The following ZSWIM4 variants were observed in gnomAD, a reference collection of about 807,000 sequenced individuals.
ZSWIM4 encodes zinc finger SWIM domain-containing protein 4.
Under a neutral mutation model 102.5 loss-of-function variants are expected in ZSWIM4, and 62 were observed. The observed-to-expected ratio is 0.60, with a 90% CI of 0.49 to 0.75. The LOEUF (loss-of-function observed/expected upper bound fraction) is 0.75. Among genes scored for constraint, ZSWIM4 ranks in the 30% least tolerant of loss-of-function variants. ZSWIM4 has a pLI of 0.00. For missense variants in ZSWIM4, 1,280 were observed against 1,529.6 expected, an observed-to-expected ratio of 0.84 and a Z score of 2.72; for synonymous variants, 652 against 674.5, an observed-to-expected ratio of 0.97 and a Z score of 0.52.
At chr19:13,799,272 ATC>A (rs764931893) in intron 1 of ZSWIM4, among the ~76,000 whole-genome samples, 8,514 of 118,336 alleles carry the variant, frequency 0.072, 237 homozygotes, top group Middle Eastern at 0.14. Context: ...TTATTTTTTT[ATC>A]TTTTTTTTTT....
chr19:13,827,279 C>T (rs1248480846), intron 12 of ZSWIM4, among the ~76,000 whole-genome samples: 1 of 151,528 alleles, frequency 6.6e-6, no homozygotes, highest in Non-Finnish European at 1.5e-5. Context: ...AGCAAGAAGA[C>T]CCCAACTCTA....
At chr19:13,801,302 G>A (rs1192320261) in intron 2 of ZSWIM4, among the ~76,000 whole-genome samples, 2 of 152,198 alleles carry the variant, frequency 1.3e-5, no homozygotes, top group Non-Finnish European at 2.9e-5. Context: ...TGCTCCTAGA[G>A]CCCTAGACCT....
Position 13,830,396 on chromosome 19 carries a change from G to A in ZSWIM4, c.2667G>A (p.Leu889=). 6.2e-7 allele frequency: 1 copy of A among 1,612,348 alleles called. No homozygotes were observed. Residue 889 remains leucine, a synonymous_variant, in exon 14 of 14, where the codon TTG becomes TTA. Transcript: ENST00000590508. ...CAMKDPQNCA[L]PALTLCEKNH... is the part of the protein sequence containing the mutation. Reference sequence around the variant, plus strand: ...TGAAGGACCCTCAGAACTGCGCCTTGCCTGCCCTGACCCTGTGCGAGAAGA... The same window carrying A: ...TGAAGGACCCTCAGAACTGCGCCTTACCTGCCCTGACCCTGTGCGAGAAGA...
At chr19:13,802,120 C>T (rs1974787603) in intron 2 of ZSWIM4, among the ~76,000 whole-genome samples, 1 of 151,000 alleles carries the variant, frequency 6.6e-6, no homozygotes, top group African/African-American at 2.4e-5. Context: ...GGACTACAGG[C>T]ACCTGCCACC....
At chr19:13,822,198 ACAC>A in intron 10 of ZSWIM4, among the ~76,000 whole-genome samples, 1 of 149,068 alleles carries the variant, frequency 6.7e-6, no homozygotes, top group Non-Finnish European at 1.5e-5. Context: ...ACACACACAC[ACAC>A]ACACAGTTTG....
rs181233560 is a variant in ZSWIM4 at position 13,830,055 on chromosome 19, G to A, written c.2462-136G>A. 1.0e-3 allele frequency: 1,219 copies of A among 1,166,126 alleles called. 2 individuals are homozygous for A. The highest frequency in any genetic ancestry group is 1.4e-3 in the Non-Finnish European group (1,145 of 837,904). The allele number at this position is 1,166,126 out of a possible 1,614,324, so 72.2% of individuals were successfully genotyped here. On this transcript the variant is annotated intron_variant, in intron 13 of 13. Transcript: ENST00000590508. ...CCACCTAGTCCAGGTGCGCCCTGAT[G>A]ATTTGGAAAGGAAGTTTCTGTTCAG...
intron 5 of ZSWIM4, among the ~76,000 whole-genome samples, chr19:13,811,122 C>G (rs979241505): frequency 6.6e-6 from 1 of 151,664 alleles, no homozygotes; most frequent in East Asian, 1.9e-4. Flanking sequence ...ACCGTGTTAG[C>G]CAGGATGGTC....
At chr19:13,795,994 T>A (rs1193050882) in intron 1 of ZSWIM4, among the ~76,000 whole-genome samples, 193 bp downstream of exon 1, 2 of 139,712 alleles carry the variant, frequency 1.4e-5, no homozygotes, top group Admixed American at 1.5e-4. Flanking sequence ...TCAAACCCAG[T>A]AACCCACCCC....
chr19:13,826,383 C>G (rs1445271795), intron 12 of ZSWIM4, among the ~76,000 whole-genome samples: 5 of 151,950 alleles, frequency 3.3e-5, no homozygotes, highest in Non-Finnish European at 7.4e-5. Flanking sequence ...AGGATTGCCG[C>G]CTAAGGAGAG....
At chr19:13,801,629 C>T (rs1215363960) in intron 2 of ZSWIM4, among the ~76,000 whole-genome samples, 2 of 151,464 alleles carry the variant, frequency 1.3e-5, no homozygotes, top group Non-Finnish European at 2.9e-5. Flanking sequence ...AGACCTAAGG[C>T]AACAGGGCTG....
chr19:13,802,218 C>T (rs1215507721), intron 2 of ZSWIM4, among the ~76,000 whole-genome samples: 11 of 151,452 alleles, frequency 7.3e-5, no homozygotes, highest in East Asian at 6.0e-4. Context: ...CCTAGTGATC[C>T]GCCCGCCTCA....
chr19:13,810,814 G>A (rs1975061745), intron 5 of ZSWIM4, among the ~76,000 whole-genome samples: 2 of 147,556 alleles, frequency 1.4e-5, no homozygotes, highest in African/African-American at 5.0e-5. Flanking sequence ...GTTTCACTGG[G>A]TTAACCAGGA....
intron 13 of ZSWIM4, 82 bp downstream of exon 13, chr19:13,828,808 AAG>A: frequency 7.1e-7 from 1 of 1,411,812 alleles, no homozygotes; most frequent in Non-Finnish European, 1.0e-6. Flanking sequence ...GCAGACAAGA[AAG>A]AGAGAAGTGG....
chr19:13,817,581 C>T (rs1235302618), intron 8 of ZSWIM4, 141 bp from the exon 9 acceptor site: 1 of 1,190,592 alleles, frequency 8.4e-7, no homozygotes. Context: ...CCCGCGCTCC[C>T]CCAACCCCGT....
chr19:13,814,476 A>G (rs1599599680), intron 6 of ZSWIM4, 39 bp from the exon 7 acceptor site: 2 of 1,097,046 alleles, frequency 1.8e-6, no homozygotes, highest in African/African-American at 1.7e-5. Context: ...TGCTATAGGG[A>G]CCCCCCCTCA....
rs139676736 is a variant in ZSWIM4, at chr19:13,817,253, C to T, written c.1569C>T (p.Thr523=). ...LQKGSTCITN[T]EGWVGHPLDP... ...AGGGCTCCACCTGCATCACCAACAC[C>T]GAAGGATGGGTGGGGCACCCCCTGG... The change falls in exon 8 of 14, where the codon ACC becomes ACT. Residue 523 remains threonine, a synonymous_variant. Coordinates refer to ENST00000590508, the MANE Select transcript of ZSWIM4 (RefSeq NM_001367834.3). The T allele has an allele frequency of 2.0e-5, 33 of 1,613,952 alleles. No individual in the cohort carries two copies. The South Asian group carries it at 2.5e-4, about 12-fold the overall frequency.
intron 11 of ZSWIM4, 45 bp downstream of exon 11, chr19:13,823,545 C>A: frequency 6.5e-7 from 1 of 1,541,370 alleles, no homozygotes; most frequent in South Asian, 1.2e-5. Context: ...CCTCCTCTGT[C>A]ATCTCCTTCT....
Position 13,817,367 on chromosome 19 carries a change from G to A in ZSWIM4, c.1669+14G>A, listed in dbSNP as rs961397066. On this transcript the variant is annotated intron_variant, in intron 8 of 13. Coordinates refer to ENST00000590508, the MANE Select transcript of ZSWIM4 (RefSeq NM_001367834.3). ...CCCTTTACCCAGGTACTCACATGGG[G>A]TACTCTTGGAGGAGGTGGGACAACC... 1 of 1,608,346 alleles carries A rather than the reference G, an allele frequency of 6.2e-7. No homozygotes were observed. Among genetic ancestry groups the A allele is most frequent in the South Asian group, 1.1e-5 (1 of 90,702 alleles).
chr19:13,830,303 G>A lies in ZSWIM4; in HGVS notation c.2574G>A (p.Leu858=). 1 of 1,613,798 alleles carries A rather than the reference G, an allele frequency of 6.2e-7. No individual in the cohort carries two copies. The highest frequency in any genetic ancestry group is 8.5e-7 in the Non-Finnish European group (1 of 1,180,016). ...TGTTHATLLR[L]QLDTSRREEL... ...CCACACACGCCACTCTGCTGCGACT[G>A]CAGCTGGACACATCGCGGAGGGAGG... Residue 858 remains leucine, a synonymous_variant, in exon 14 of 14, where the codon CTG becomes CTA. Coordinates refer to ENST00000590508, the MANE Select transcript of ZSWIM4 (RefSeq NM_001367834.3).
Sources: gnomAD v4.1 joint callset for allele counts (sites outside exome capture counted in the v4.1 genomes callset) on GRCh38, gnomAD v4.1.1 for gene constraint, MANE v1.5 for transcripts, NCBI Gene and HGNC (gene_info 2026-07-23, HGNC 2026-07-21) for gene names.